Variants in TTC28 observed in about 807,000 individuals in gnomAD.
TTC28 encodes the protein tetratricopeptide repeat domain 28, also known as tetratricopeptide repeat protein 28.
Under a neutral mutation model 198.0 loss-of-function variants are expected in TTC28, and 61 were observed. That is an observed-to-expected ratio of 0.31 (90% CI 0.25 to 0.38). The LOEUF (loss-of-function observed/expected upper bound fraction) is 0.38, where lower values mean the gene tolerates loss of function less well. Among genes scored for constraint, TTC28 ranks in the 10% least tolerant of loss-of-function variants. The pLI, the probability that TTC28 is intolerant of heterozygous loss-of-function variation, is 1.00. For synonymous variants in TTC28, 1,171 were observed against 1,297.8 expected (o/e 0.90, Z 2.10); for missense variants, 2,678 against 3,164.0 (o/e 0.85, Z 3.69).
chr22:28,663,293 G>A (rs1260152527), intron 1 of TTC28, among the ~76,000 whole-genome samples: 1 of 151,364 alleles, frequency 6.6e-6, no homozygotes, highest in Non-Finnish European at 1.5e-5. Context: ...AGAGGGAGGA[G>A]CCAAGATGGC....
intron 12 of TTC28, among the ~76,000 whole-genome samples, chr22:28,068,530 G>A (rs181807569): frequency 3.2e-4 from 49 of 152,200 alleles, no homozygotes; most frequent in South Asian, 1.9e-3. Context: ...TAGTCTCAGC[G>A]GGCAAGGAGT....
chr22:28,457,506 C>T (rs771803838), intron 2 of TTC28, among the ~76,000 whole-genome samples: 1 of 152,176 alleles, frequency 6.6e-6, no homozygotes, highest in Non-Finnish European at 1.5e-5. Flanking sequence ...AAAACCTCTG[C>T]TTTATGAAGC....
chr22:28,421,743 C>T (rs1278906169), intron 2 of TTC28, among the ~76,000 whole-genome samples: 2 of 151,902 alleles, frequency 1.3e-5, no homozygotes, highest in African/African-American at 4.8e-5. Flanking sequence ...GTCAGGAGAT[C>T]GAGACCATCC....
chr22:28,272,851 ACCCAAGTGT>A (rs1170566207), intron 5 of TTC28, among the ~76,000 whole-genome samples: 2 of 152,238 alleles, frequency 1.3e-5, no homozygotes, highest in East Asian at 3.9e-4. Flanking sequence ...AGAAACGTGA[ACCCAAGTGT>A]CTGAGCCACC....
chr22:28,435,138 T>A (rs2047499806), intron 2 of TTC28, among the ~76,000 whole-genome samples: 1 of 152,244 alleles, frequency 6.6e-6, no homozygotes, highest in Non-Finnish European at 1.5e-5. Context: ...CTAAAAATGC[T>A]GCTTAGTATA....
rs571105769 is a variant in TTC28, at chr22:28,042,713, A to T, written c.3933-12347T>A. Among the ~76,000 whole-genome samples the T allele has an allele frequency of 2.6e-5, 4 of 151,374 alleles. No homozygotes were observed. In the South Asian group the frequency reaches 6.3e-4, roughly 24 times the overall value. ...TGCACGTTGTGCACATGTACCCTAG[A>T]ACTTAAATTAAAAAAAAAAAAAGAA... is the stretch of plus-strand genomic sequence containing the variant. On this transcript the variant is annotated intron_variant, in intron 12 of 22. Coordinates refer to ENST00000397906, the MANE Select transcript of TTC28 (RefSeq NM_001145418.2).
intron 5 of TTC28, among the ~76,000 whole-genome samples, chr22:28,199,243 C>T (rs898052189): frequency 6.6e-6 from 1 of 151,508 alleles, no homozygotes; most frequent in African/African-American, 2.4e-5. Context: ...ATTGAAAACT[C>T]ATATTCTGGA....
At chr22:28,674,334 G>A (rs1266454066) in intron 1 of TTC28, among the ~76,000 whole-genome samples, 1 of 126,198 alleles carries the variant, frequency 7.9e-6, no homozygotes, top group Non-Finnish European at 1.7e-5. Flanking sequence ...GATTGGGTTT[G>A]TCTGTTTTTT....
chr22:28,437,603 C>G (rs2146216303), intron 2 of TTC28, among the ~76,000 whole-genome samples: 1 of 151,224 alleles, frequency 6.6e-6, no homozygotes, highest in South Asian at 2.1e-4. Context: ...TGTTTTTTTG[C>G]TTTGTTTGAT....
intron 2 of TTC28, among the ~76,000 whole-genome samples, chr22:28,368,375 G>T (rs965007730): frequency 4.8e-4 from 73 of 151,972 alleles, no homozygotes; most frequent in Non-Finnish European, 5.9e-5. Flanking sequence ...TCAAAAAACT[G>T]AGTATAGAAG....
intron 5 of TTC28, among the ~76,000 whole-genome samples, chr22:28,181,417 A>G (rs904889520): frequency 6.6e-6 from 1 of 152,046 alleles, no homozygotes; most frequent in African/African-American, 2.4e-5. Context: ...AGTTGGCAAG[A>G]AACACTACCT....
At chr22:28,303,236 C>T (rs1569248537) in intron 3 of TTC28, among the ~76,000 whole-genome samples, 1 of 152,074 alleles carries the variant, frequency 6.6e-6, no homozygotes, top group Non-Finnish European at 1.5e-5. Context: ...TAATAGTATG[C>T]TACAACACCC....
intron 2 of TTC28, among the ~76,000 whole-genome samples, chr22:28,538,707 G>A (rs937377276): frequency 2.6e-5 from 4 of 151,766 alleles, no homozygotes; most frequent in African/African-American, 9.7e-5. Context: ...TTACAGGCGT[G>A]CGCCACCACG....
intron 2 of TTC28, among the ~76,000 whole-genome samples, chr22:28,439,314 G>A (rs2047576637): frequency 1.3e-5 from 2 of 152,206 alleles, no homozygotes; most frequent in African/African-American, 4.8e-5. Context: ...GAATTCAGAG[G>A]TGGGTAAAAT....
intron 5 of TTC28, among the ~76,000 whole-genome samples, chr22:28,234,012 T>C (rs1258194739): frequency 2.0e-5 from 3 of 151,974 alleles, no homozygotes; most frequent in Non-Finnish European, 4.4e-5. Context: ...GTTCACGCTG[T>C]TCTCCTGCCT....
At chr22:28,343,755 C>T (rs1019230066) in intron 2 of TTC28, among the ~76,000 whole-genome samples, 1 of 152,146 alleles carries the variant, frequency 6.6e-6, no homozygotes, top group African/African-American at 2.4e-5. Flanking sequence ...GTACGTTCTG[C>T]CTACCAGATA....
intron 2 of TTC28, among the ~76,000 whole-genome samples, chr22:28,342,911 T>G (rs1601660749): frequency 6.6e-6 from 1 of 152,198 alleles, no homozygotes; most frequent in Admixed American, 6.5e-5. Context: ...ACTAAAATTT[T>G]TATTAGGTCC....
rs562499901 is a variant in TTC28 at position 28,451,117 on chromosome 22, G to A, written c.382-144474C>T. ...CTCTTAAGTTTTGGCTGAACACTAA[G>A]TTGCCAAAATATGGTGAAACTCCAC... On this transcript the variant is annotated intron_variant, in intron 2 of 22. Transcript: ENST00000397906. Among the ~76,000 whole-genome samples, 4 of 152,304 alleles carry A rather than the reference G, an allele frequency of 2.6e-5. No homozygotes were observed. In the East Asian group the frequency reaches 7.7e-4, roughly 29 times the overall value.
chr22:28,288,770 G>A (rs930963411), intron 5 of TTC28, among the ~76,000 whole-genome samples: 5 of 148,242 alleles, frequency 3.4e-5, no homozygotes, highest in African/African-American at 7.5e-5. Context: ...CCGAGATCAC[G>A]CTACTGCACT....
Sources: gnomAD v4.1 joint callset for allele counts (sites outside exome capture counted in the v4.1 genomes callset) on GRCh38, gnomAD v4.1.1 for gene constraint, MANE v1.5 for transcripts, NCBI Gene and HGNC (gene_info 2026-07-23, HGNC 2026-07-21) for gene names.